CARMIL1: variants seen among roughly 807,000 people sequenced by gnomAD.
CARMIL1 encodes capping protein regulator and myosin 1 linker 1, also known as F-actin-uncapping protein LRRC16A.
A neutral mutation model predicts 177.1 loss-of-function variants in CARMIL1; 90 were observed. The observed-to-expected ratio is 0.51, with a 90% CI of 0.43 to 0.61. The LOEUF (loss-of-function observed/expected upper bound fraction) is 0.61. Among genes scored for constraint, CARMIL1 ranks in the 20% least tolerant of loss-of-function variants. CARMIL1 has a pLI of 0.00. For missense variants in CARMIL1, 1,380 were observed against 1,667.0 expected (o/e 0.83, Z 3.00); for synonymous variants, 577 against 606.2 (o/e 0.95, Z 0.71).
intron 17 of CARMIL1, among the ~76,000 whole-genome samples, chr6:25,508,389 A>C (rs746931378): frequency 6.6e-6 from 1 of 152,172 alleles, no homozygotes; most frequent in Non-Finnish European, 1.5e-5. Context: ...ACCTTAGAGC[A>C]ATCTGTCACC....
chr6:25,597,331 G>A (rs1814953364), intron 32 of CARMIL1, among the ~76,000 whole-genome samples: 1 of 151,982 alleles, frequency 6.6e-6, no homozygotes, highest in Admixed American at 6.6e-5. Context: ...GAGTTTTGCT[G>A]GGGACAAACC....
chr6:25,500,250 A>G lies in CARMIL1; in HGVS notation c.1395+15A>G. ...GCAACTGTGAGGTAAGAACACCCTT[A>G]GATTGTATACTGGAATAGATAATAG... On this transcript the variant is annotated intron_variant, in intron 17 of 36. Transcript: ENST00000329474. 6.2e-7 allele frequency: 1 copy of G among 1,609,294 alleles called. No homozygotes were observed. Among genetic ancestry groups the G allele is most frequent in the East Asian group, 2.2e-5 (1 of 44,848 alleles).
rs746481498 is a variant in CARMIL1, at chr6:25,553,991, CT to C, written c.2505-14del. 2.6e-5 allele frequency: 40 copies of C among 1,535,228 alleles called. No homozygotes were observed. The Middle Eastern group carries it at 1.2e-3, about 45-fold the overall frequency. On this transcript the variant is annotated splice_polypyrimidine_tract_variant and intron_variant, in intron 27 of 36. Coordinates refer to ENST00000329474, the MANE Select transcript of CARMIL1 (RefSeq NM_017640.6). ...GCACAAATTAAAATGGTACTCTGTC[CT>C]TTTGATTTTCACACAGTGAAGTAAA...
At chr6:25,438,101 A>G (rs773467402) in intron 5 of CARMIL1, among the ~76,000 whole-genome samples, 4 of 152,214 alleles carry the variant, frequency 2.6e-5, no homozygotes, top group African/African-American at 9.6e-5. Flanking sequence ...TCATATTTTC[A>G]GCACCATTAT....
chr6:25,286,697 T>C (rs1450434834), intron 2 of CARMIL1, among the ~76,000 whole-genome samples: 6 of 152,326 alleles, frequency 3.9e-5, no homozygotes, highest in African/African-American at 1.4e-4. Flanking sequence ...TATAAGGTAG[T>C]GGTTGCTATG....
chr6:25,499,818 C>T (rs969517947), intron 16 of CARMIL1, among the ~76,000 whole-genome samples: 2 of 152,162 alleles, frequency 1.3e-5, no homozygotes, highest in Non-Finnish European at 2.9e-5. Context: ...TAAATCTCTT[C>T]TCAAGCAGAT....
intron 17 of CARMIL1, 55 bp downstream of exon 17, chr6:25,500,290 C>G: frequency 6.7e-7 from 1 of 1,491,942 alleles, no homozygotes; most frequent in Non-Finnish European, 9.3e-7. Context: ...AACCGCTTTG[C>G]CTTTTTCCTG....
At chr6:25,289,004 T>A (rs1781738870) in intron 2 of CARMIL1, among the ~76,000 whole-genome samples, 1 of 152,218 alleles carries the variant, frequency 6.6e-6, no homozygotes, top group South Asian at 2.1e-4. Flanking sequence ...ATGCTGTTTT[T>A]TCCAAACTTA....
At chr6:25,527,396 C>A (rs1184677906) in intron 23 of CARMIL1, among the ~76,000 whole-genome samples, 2 of 152,152 alleles carry the variant, frequency 1.3e-5, no homozygotes, top group Non-Finnish European at 2.9e-5. Context: ...GGATGCACTG[C>A]CTGTGTGTGA....
chr6:25,313,855 A>G (rs1784047144), intron 2 of CARMIL1, among the ~76,000 whole-genome samples: 1 of 151,544 alleles, frequency 6.6e-6, no homozygotes, highest in African/African-American at 2.4e-5. Context: ...CAGAGTGGGC[A>G]TGAGAAACCA....
At chr6:25,319,764 CTTT>C (rs10625095) in intron 2 of CARMIL1, among the ~76,000 whole-genome samples, 120 of 118,690 alleles carry the variant, frequency 1.0e-3, no homozygotes, top group African/African-American at 3.4e-3. Context: ...CATTTGGTCA[CTTT>C]TTTTTTTTTT....
At chr6:25,582,788 T>C (rs2151256977) in intron 31 of CARMIL1, among the ~76,000 whole-genome samples, 1 of 152,338 alleles carries the variant, frequency 6.6e-6, no homozygotes, top group East Asian at 1.9e-4. Flanking sequence ...CACAGTACTC[T>C]GGGAAAAAGC....
chr6:25,551,563 T>A (rs967790896), intron 27 of CARMIL1, among the ~76,000 whole-genome samples: 2 of 152,198 alleles, frequency 1.3e-5, no homozygotes, highest in African/African-American at 4.8e-5. Context: ...TAATGGTGTC[T>A]TTGCAGTGTT....
chr6:25,550,435 G>A (rs569500890), intron 26 of CARMIL1, among the ~76,000 whole-genome samples: 1 of 152,216 alleles, frequency 6.6e-6, no homozygotes, highest in African/African-American at 2.4e-5. Flanking sequence ...CTGCTGTTTT[G>A]ATAGAGCAAT....
chr6:25,600,798 G>A, intron 33 of CARMIL1, 52 bp downstream of exon 33: 2 of 1,390,748 alleles, frequency 1.4e-6, no homozygotes, highest in Non-Finnish European at 1.9e-6. Flanking sequence ...TATAATAGAT[G>A]CACACATTTT....
chr6:25,334,162 C>T (rs1010284261), intron 2 of CARMIL1, among the ~76,000 whole-genome samples: 25 of 152,128 alleles, frequency 1.6e-4, no homozygotes, highest in Admixed American at 1.0e-3. Context: ...GTTAGGTAGC[C>T]GCTATGAGCT....
intron 12 of CARMIL1, among the ~76,000 whole-genome samples, chr6:25,483,149 T>G (rs1398848762): frequency 6.6e-6 from 1 of 152,212 alleles, no homozygotes; most frequent in Admixed American, 6.5e-5. Flanking sequence ...CCTGCTACAC[T>G]GGGGCTCTCC....
At chr6:25,408,321 G>A (rs562376036) in intron 2 of CARMIL1, among the ~76,000 whole-genome samples, 38 of 150,362 alleles carry the variant, frequency 2.5e-4, no homozygotes, top group East Asian at 1.6e-3. Context: ...AAAAGATTTC[G>A]GGCAGAGAGT....
intron 2 of CARMIL1, among the ~76,000 whole-genome samples, chr6:25,351,383 A>G (rs1261910306): frequency 2.0e-5 from 3 of 152,238 alleles, no homozygotes; most frequent in African/African-American, 7.2e-5. Context: ...CACAGCACAT[A>G]TTCTGTTTCT....
Sources: gnomAD v4.1 joint callset for allele counts (sites outside exome capture counted in the v4.1 genomes callset) on GRCh38, gnomAD v4.1.1 for gene constraint, MANE v1.5 for transcripts, NCBI Gene and HGNC (gene_info 2026-07-23, HGNC 2026-07-21) for gene names.